Variants in ADAMTS9 observed in about 807,000 individuals in gnomAD.
The protein encoded by ADAMTS9 is ADAM metallopeptidase with thrombospondin type 1 motif 9.
Under a neutral mutation model 257.1 loss-of-function variants are expected in ADAMTS9, and 107 were observed. The observed-to-expected ratio is 0.42, with a 90% CI of 0.36 to 0.49. The LOEUF is 0.49. Ranked by LOEUF, ADAMTS9 falls within the 20% of genes least tolerant of loss-of-function variation. ADAMTS9 has a pLI of 0.03. For missense variants in ADAMTS9, 2,353 were observed against 2,469.1 expected, an observed-to-expected ratio of 0.95 and a Z score of 1.00; for synonymous variants, 982 against 880.9, an observed-to-expected ratio of 1.11 and a Z score of -2.03.
chr3:64,521,991 T>C (rs12635542), intron 39 of ADAMTS9, among the ~76,000 whole-genome samples, 175 bp downstream of exon 39: 5,997 of 152,272 alleles, frequency 0.039, 668 homozygotes, highest in Admixed American at 0.24. Flanking sequence ...GGCAGAGAAC[T>C]GATGGCTTCA....
intron 19 of ADAMTS9, among the ~76,000 whole-genome samples, chr3:64,617,920 C>G (rs1700005058): frequency 6.6e-6 from 1 of 152,144 alleles, no homozygotes; most frequent in South Asian, 2.1e-4. Flanking sequence ...TTCAGTCTTT[C>G]AGTTTTGGAC....
chr3:64,651,067 G>C lies in ADAMTS9; in HGVS notation c.1413C>G (p.Asn471Lys), dbSNP rs770979909. The change falls in exon 9 of 40, where the codon AAC (asparagine) becomes AAG (lysine). Residue 471 changes from asparagine to lysine, a missense_variant. Transcript: ENST00000498707. Reference protein sequence around the residue: ...VMAPTLNFYTNPWMWSKCSRK... With the variant: ...VMAPTLNFYTKPWMWSKCSRK... ...GACTACACTTTGACCACATCCAGGG[G>C]TTGGTGTAGAAGTTCAGTGTTGGAG... 2.3e-5 allele frequency: 37 copies of C among 1,608,016 alleles called. No homozygotes were observed. The highest frequency in any genetic ancestry group is 3.1e-5 in the Non-Finnish European group (36 of 1,178,036).
At chr3:64,624,743 C>T (rs886248491) in intron 16 of ADAMTS9, among the ~76,000 whole-genome samples, 3 of 152,172 alleles carry the variant, frequency 2.0e-5, no homozygotes, top group Non-Finnish European at 4.4e-5. Flanking sequence ...AAAACCTTGG[C>T]ATGATTAAAA....
chr3:64,664,900 T>G (rs1323151900), intron 3 of ADAMTS9, among the ~76,000 whole-genome samples: 2 of 152,196 alleles, frequency 1.3e-5, no homozygotes, highest in Non-Finnish European at 2.9e-5. Flanking sequence ...GAAGTTCAAA[T>G]AAGACACTTC....
At chr3:64,589,949 A>G (rs913697478) in intron 28 of ADAMTS9, 3 of 152,300 alleles carry the variant, frequency 2.0e-5, no homozygotes, top group African/African-American at 7.2e-5. Context: ...GTGTAATCAA[A>G]TTTGTGCACA....
chr3:64,687,838 A>C lies in ADAMTS9; in HGVS notation c.-181T>G. The C allele has an allele frequency of 2.1e-6, 1 of 470,066 alleles. No homozygotes were observed. Among genetic ancestry groups the C allele is most frequent in the East Asian group, 3.7e-5 (1 of 27,196 alleles). 29.1% of individuals were successfully genotyped at this position (470,066 alleles called of 1,614,324 possible). ...GGGTCCCGTCTGCGCTCGGCTGAGC[A>C]ACGCCGCCGCCTGCCGAGAGCTGAG... On this transcript the variant is annotated 5_prime_UTR_variant, in exon 1 of 40. Coordinates refer to ENST00000498707, the MANE Select transcript of ADAMTS9 (RefSeq NM_182920.2). This position sits in a 1 kb window ranked among gnomAD's most constrained non-coding sequence, Gnocchi z 4.4.
chr3:64,533,140 C>T (rs771314039), intron 38 of ADAMTS9, 26 bp downstream of exon 38: 10 of 1,575,746 alleles, frequency 6.3e-6, no homozygotes, highest in South Asian at 2.2e-5. Context: ...AAAAATTCAT[C>T]TCCCAACCCA....
At chr3:64,535,831 C>T (rs2083042907) in intron 37 of ADAMTS9, among the ~76,000 whole-genome samples, 1 of 152,040 alleles carries the variant, frequency 6.6e-6, no homozygotes. Context: ...GCATGACCCA[C>T]CGCACCTGCC....
chr3:64,537,883 T>A (rs1461499285), intron 37 of ADAMTS9, among the ~76,000 whole-genome samples: 4 of 152,212 alleles, frequency 2.6e-5, no homozygotes, highest in Non-Finnish European at 5.9e-5. Flanking sequence ...AAGACTAACG[T>A]CTGCTTTGCA....
chr3:64,638,198 T>G (rs1472010028), intron 12 of ADAMTS9, among the ~76,000 whole-genome samples: 1 of 152,078 alleles, frequency 6.6e-6, no homozygotes, highest in Non-Finnish European at 1.5e-5. Flanking sequence ...AAAAAGAAAA[T>G]GCTGTGTCTT....
rs1159186740 is a variant in ADAMTS9, at chr3:64,686,650, G to A, written c.434C>T (p.Ala145Val). The part of the protein sequence containing the change: ...NQTKFYSEEE[A>V]ELKHCFYKGY... Reference sequence around the variant, plus strand: ...TTTGTAGAAACAGTGCTTGAGTTCCGCTTCCTCTTCGGAATAAAACTTGGT... The same window carrying A: ...TTTGTAGAAACAGTGCTTGAGTTCCACTTCCTCTTCGGAATAAAACTTGGT... Residue 145 changes from alanine (A) to valine (V), a missense_variant, in exon 2 of 40, where the codon GCG becomes GTG. Transcript: ENST00000498707. This position sits in a 1 kb window ranked among gnomAD's most constrained non-coding sequence, Gnocchi z 4.6. 1.9e-6 allele frequency: 3 copies of A among 1,614,030 alleles called. No homozygotes were observed. The highest frequency in any genetic ancestry group is 2.7e-5 in the African/African-American group (2 of 74,930).
chr3:64,531,945 G>A (rs1017405597), intron 38 of ADAMTS9, among the ~76,000 whole-genome samples: 2 of 152,198 alleles, frequency 1.3e-5, no homozygotes, highest in Admixed American at 6.5e-5. Context: ...ACTTCAGAGG[G>A]AAGGCTGTAA....
chr3:64,654,841 C>A (rs1444293764), intron 6 of ADAMTS9, among the ~76,000 whole-genome samples: 1 of 152,178 alleles, frequency 6.6e-6, no homozygotes, highest in Non-Finnish European at 1.5e-5. Context: ...TCAGGGCGGT[C>A]ACAGAGCAGT....
At chr3:64,638,100 C>CATAA (rs1238366467) in intron 12 of ADAMTS9, among the ~76,000 whole-genome samples, 1 of 152,138 alleles carries the variant, frequency 6.6e-6, no homozygotes, top group Non-Finnish European at 1.5e-5. Context: ...ATATCTAGTT[C>CATAA]ATAATCCTTT....
intron 28 of ADAMTS9, among the ~76,000 whole-genome samples, chr3:64,584,575 C>T (rs1201663911): frequency 6.6e-6 from 1 of 152,156 alleles, no homozygotes. Flanking sequence ...CTACTCTTTA[C>T]TTCCTTGTGA....
chr3:64,582,323 T>C (rs1292061200), intron 28 of ADAMTS9, among the ~76,000 whole-genome samples: 1 of 152,062 alleles, frequency 6.6e-6, no homozygotes, highest in East Asian at 1.9e-4. Flanking sequence ...CTCTGATAGG[T>C]TTTTTAAAAA....
intron 39 of ADAMTS9, among the ~76,000 whole-genome samples, chr3:64,519,604 T>C (rs1182456029): frequency 6.6e-6 from 1 of 152,170 alleles, no homozygotes; most frequent in Non-Finnish European, 1.5e-5. Flanking sequence ...TCTACCATGA[T>C]CGAGTGGACT....
Position 64,687,054 on chromosome 3 carries a change from A to G in ADAMTS9, c.116-86T>C. On this transcript the variant is annotated intron_variant, in intron 1 of 39. Transcript: ENST00000498707. The surrounding 1 kb of genome is among the most constrained non-coding windows in gnomAD (Gnocchi z 4.4). ...AAACGAAGGTGGGGACTTTGTTCTGACCTTATTTTCCAGCCCATTCGAGTC... is the reference window on the plus strand; with the variant it reads ...AAACGAAGGTGGGGACTTTGTTCTGGCCTTATTTTCCAGCCCATTCGAGTC... 1 of 1,483,610 alleles carries G rather than the reference A, an allele frequency of 6.7e-7. No homozygotes were observed. The highest frequency in any genetic ancestry group is 9.1e-7 in the Non-Finnish European group (1 of 1,100,996). The allele number at this position is 1,483,610 out of a possible 1,614,324, so 91.9% of individuals were successfully genotyped here.
At chr3:64,684,177 G>C (rs868069688) in intron 2 of ADAMTS9, among the ~76,000 whole-genome samples, 3 of 152,294 alleles carry the variant, frequency 2.0e-5, no homozygotes, top group South Asian at 2.1e-4. Flanking sequence ...GGATGTGAGT[G>C]AGTGCACTGT....
Sources: allele counts gnomAD v4.1 joint callset (sites outside exome capture counted in the v4.1 genomes callset), GRCh38; gene constraint gnomAD v4.1.1; non-coding constraint Gnocchi (gnomAD v3.1); transcripts MANE v1.5; gene names NCBI Gene and HGNC (gene_info 2026-07-23, HGNC 2026-07-21).